CC2D2B: variants seen among roughly 807,000 people sequenced by gnomAD.
CC2D2B encodes the protein coiled-coil and C2 domain containing 2B, also known as protein CC2D2B.
Under a neutral mutation model 161.2 loss-of-function variants are expected in CC2D2B, and 128 were observed. The observed-to-expected ratio is 0.79, with a 90% CI of 0.69 to 0.92. The LOEUF (loss-of-function observed/expected upper bound fraction) is 0.92, where lower values mean the gene tolerates loss of function less well. CC2D2B is among the 40% of genes least tolerant of loss of function. The pLI is 0.00. For missense variants in CC2D2B, 1,173 were observed against 1,375.1 expected (o/e 0.85, Z 2.32); for synonymous variants, 391 against 449.8 (o/e 0.87, Z 1.65).
At chr10:95,925,181 G>C in intron 5 of CC2D2B, among the ~76,000 whole-genome samples, 1 of 152,308 alleles carries the variant, frequency 6.6e-6, no homozygotes, top group East Asian at 1.9e-4. Context: ...GAGTGCCACT[G>C]TGCAGATGGT....
At chr10:95,993,680 TAA>T (rs763554391) in intron 22 of CC2D2B, among the ~76,000 whole-genome samples, 4 of 127,306 alleles carry the variant, frequency 3.1e-5, no homozygotes, top group Admixed American at 8.1e-5. Context: ...ATCATGCTGC[TAA>T]AAAAAAAAAA....
At chr10:95,999,087 A>G (rs1449680194) in intron 24 of CC2D2B, among the ~76,000 whole-genome samples, 2 of 152,198 alleles carry the variant, frequency 1.3e-5, no homozygotes, top group African/African-American at 2.4e-5. Flanking sequence ...TCTCAAAGAA[A>G]AAAACAAAAA....
chr10:95,972,328 T>TTTTG (rs376679143), intron 16 of CC2D2B, 112 bp downstream of exon 16: 32 of 744,518 alleles, frequency 4.3e-5, no homozygotes, highest in Middle Eastern at 4.4e-4. Flanking sequence ...CAATATTCTT[T>TTTTG]TTTGTTTGTT....
chr10:95,944,715 CA>C (rs1370989491), intron 9 of CC2D2B, among the ~76,000 whole-genome samples: 1 of 152,152 alleles, frequency 6.6e-6, no homozygotes, highest in African/African-American at 2.4e-5. Flanking sequence ...TCTAGAATCC[CA>C]AGTTGGAAAC....
intron 32 of CC2D2B, 110 bp downstream of exon 32, chr10:96,019,934 T>C: frequency 1.0e-6 from 1 of 1,004,100 alleles, no homozygotes; most frequent in Non-Finnish European, 1.4e-6. Context: ...TACTGAAATA[T>C]TTGGCAATAT....
intron 20 of CC2D2B, 147 bp downstream of exon 20, chr10:95,988,489 T>A: frequency 2.6e-6 from 1 of 391,320 alleles, no homozygotes. Context: ...AGTTTTCTGT[T>A]CTTTTCAGAC....
intron 25 of CC2D2B, among the ~76,000 whole-genome samples, chr10:96,006,986 C>G (rs1207146632): frequency 6.6e-6 from 1 of 152,116 alleles, no homozygotes; most frequent in Non-Finnish European, 1.5e-5. Flanking sequence ...CATTGCTTCT[C>G]AGAGAGGATG....
rs142552230 is a variant in CC2D2B at position 96,018,149 on chromosome 10, T to C, written c.3631-1054T>C. On this transcript the variant is annotated intron_variant, in intron 30 of 34. Transcript: ENST00000646931. ...GTGAATGAAAGTGACAAAGTTAGTG[T>C]TAATTCTTAGCATAATATCTGATGC... 4.0e-3 allele frequency among the ~76,000 whole-genome samples: 615 copies of C among 152,334 alleles called. 3 individuals are homozygous for C. The highest frequency in any genetic ancestry group is 0.014 in the African/African-American group (589 of 41,574).
At chr10:95,966,815 T>A (rs775753262) in intron 14 of CC2D2B, among the ~76,000 whole-genome samples, 10 of 152,106 alleles carry the variant, frequency 6.6e-5, no homozygotes, top group Non-Finnish European at 1.5e-4. Context: ...CAAACTTCTT[T>A]ACTTCACAGT....
Position 95,938,632 on chromosome 10 carries a change from A to T in CC2D2B, c.599A>T (p.Tyr200Phe). The T allele has an allele frequency of 2.8e-6, 2 of 714,622 alleles. No individual in the cohort carries two copies. The highest frequency in any genetic ancestry group is 1.5e-5 in the South Asian group (1 of 66,734). 44.3% of individuals were successfully genotyped at this position (714,622 alleles called of 1,614,324 possible). A position where few individuals can be genotyped will look rare whatever the true frequency, so the allele number is the denominator to read the frequency against. The part of the protein sequence containing the change: ...MPRILEDEGF[Y>F]IQRKPEIYKK... ...CGTATTCTAGAAGATGAAGGATTCT[A>T]TATTCAGAGAAAGCCAGAAATATAC... Residue 200 changes from tyrosine (Y) to phenylalanine (F), a missense_variant, in exon 8 of 35, where the codon TAT (tyrosine) becomes TTT (phenylalanine). Physicochemically the swap from Tyr to Phe is conservative, Grantham distance 22. This residue lies in a region of CC2D2B where 298 missense variants were observed against 261.2 expected (regional missense o/e 1.14). Coordinates refer to ENST00000646931, the MANE Select transcript of CC2D2B (RefSeq NM_001349008.3).
At chr10:96,010,331 C>G (rs895719199) in intron 26 of CC2D2B, among the ~76,000 whole-genome samples, 1 of 152,076 alleles carries the variant, frequency 6.6e-6, no homozygotes, top group South Asian at 2.1e-4. Flanking sequence ...GAGGGCTCTG[C>G]TGTTGGTTTA....
intron 25 of CC2D2B, 44 bp from the exon 26 acceptor site, chr10:96,009,781 C>A: frequency 1.2e-6 from 1 of 822,856 alleles, no homozygotes; most frequent in Non-Finnish European, 1.9e-6. Flanking sequence ...AACTATTCAT[C>A]ACATGATATT....
intron 9 of CC2D2B, among the ~76,000 whole-genome samples, chr10:95,941,062 C>T (rs1241934988): frequency 6.6e-6 from 1 of 152,066 alleles, no homozygotes. Flanking sequence ...AAATGATCTT[C>T]AAGAGGGTGC....
intron 11 of CC2D2B, among the ~76,000 whole-genome samples, chr10:95,958,511 T>A (rs74816479): frequency 0.013 from 1,985 of 150,446 alleles, 40 homozygotes; most frequent in African/African-American, 0.046. Flanking sequence ...ATAAATTAAT[T>A]AATTAATTAA....
At chr10:95,927,362 C>T in intron 6 of CC2D2B, 30 bp downstream of exon 6, 1 of 1,170,612 alleles carries the variant, frequency 8.5e-7, no homozygotes, top group Non-Finnish European at 1.2e-6. Context: ...CTCCCACCAT[C>T]TCACTCTCAG....
At chr10:95,967,766 A>G (rs2076990846) in intron 14 of CC2D2B, among the ~76,000 whole-genome samples, 1 of 152,188 alleles carries the variant, frequency 6.6e-6, no homozygotes, top group Non-Finnish European at 1.5e-5. Context: ...TGGTCGAAAG[A>G]GGCCAACAGG....
chr10:96,029,286 G>GTATATATATATATATATATATGTA (rs58363071), intron 34 of CC2D2B, among the ~76,000 whole-genome samples: 1 of 70,640 alleles, frequency 1.4e-5, no homozygotes, highest in Non-Finnish European at 3.0e-5. Context: ...ATATATATAT[G>GTATATATATATATATATATATGTA]TATATATATA....
chr10:96,012,980 A>G (rs1020838332), intron 28 of CC2D2B, among the ~76,000 whole-genome samples: 2 of 152,192 alleles, frequency 1.3e-5, no homozygotes, highest in Non-Finnish European at 2.9e-5. Flanking sequence ...CTGACACCCA[A>G]TATCCAAGGA....
At chr10:95,980,779 T>C (rs2077487518) in intron 17 of CC2D2B, among the ~76,000 whole-genome samples, 1 of 152,180 alleles carries the variant, frequency 6.6e-6, no homozygotes, top group Non-Finnish European at 1.5e-5. Context: ...CAGTATAAAA[T>C]GTGTGCTCGT....
Sources: gnomAD v4.1 joint callset for allele counts (sites outside exome capture counted in the v4.1 genomes callset) on GRCh38, gnomAD v4.1.1 for gene constraint, gnomAD v4.1.1 regional missense constraint, MANE v1.5 for transcripts, NCBI Gene and HGNC (gene_info 2026-07-23, HGNC 2026-07-21) for gene names.